The following PDE11A variants were observed in gnomAD, a reference collection of about 807,000 sequenced individuals.
PDE11A encodes dual 3',5'-cyclic-AMP and -GMP phosphodiesterase 11A.
In PDE11A, 100 loss-of-function variants were observed where a neutral mutation model predicts 100.5. That is an observed-to-expected ratio of 1.00 (90% CI 0.85 to 1.18). PDE11A has a LOEUF of 1.18. Ranked by LOEUF, PDE11A falls within the 50% of genes most tolerant of loss-of-function variation. The pLI, the probability that PDE11A is intolerant of heterozygous loss-of-function variation, is 0.00. For synonymous variants in PDE11A, 381 were observed against 420.8 expected, an observed-to-expected ratio of 0.91 and a Z score of 1.16; for missense variants, 1,141 against 1,152.6, an observed-to-expected ratio of 0.99 and a Z score of 0.15.
chr2:177,945,712 C>T (rs1333859602), intron 2 of PDE11A, among the ~76,000 whole-genome samples: 26 of 149,978 alleles, frequency 1.7e-4, no homozygotes, highest in African/African-American at 5.6e-4. Context: ...GCAGCCACCC[C>T]GTCCGGGAGG....
intron 2 of PDE11A, among the ~76,000 whole-genome samples, chr2:177,995,641 A>ACAC (rs2086061990): frequency 2.2e-5 from 2 of 93,004 alleles, no homozygotes; most frequent in African/African-American, 6.0e-5. Flanking sequence ...TACTCCACAA[A>ACAC]CACCACCCAC....
chr2:177,673,245 A>C (rs2080712842), intron 17 of PDE11A, among the ~76,000 whole-genome samples: 1 of 152,250 alleles, frequency 6.6e-6, no homozygotes, highest in African/African-American at 2.4e-5. Context: ...ATTACACAAA[A>C]CAAGTGTTGG....
chr2:177,842,910 A>C (rs1056917531), intron 5 of PDE11A, among the ~76,000 whole-genome samples: 1 of 152,208 alleles, frequency 6.6e-6, no homozygotes, highest in Admixed American at 6.5e-5. Context: ...ATCAGTCCTC[A>C]GGACTGAAAA....
At chr2:177,632,460 A>G (rs1300897468) in intron 19 of PDE11A, among the ~76,000 whole-genome samples, 1 of 152,132 alleles carries the variant, frequency 6.6e-6, no homozygotes, top group Non-Finnish European at 1.5e-5. Flanking sequence ...ATCACCCATC[A>G]TCTTGCATAT....
intron 5 of PDE11A, among the ~76,000 whole-genome samples, chr2:177,865,480 C>T (rs915700462): frequency 1.3e-5 from 2 of 152,150 alleles, no homozygotes; most frequent in Non-Finnish European, 2.9e-5. Flanking sequence ...CACAGAGTTA[C>T]CACATGACCT....
At chr2:177,716,664 A>G (rs1223407576) in intron 12 of PDE11A, among the ~76,000 whole-genome samples, 1 of 152,184 alleles carries the variant, frequency 6.6e-6, no homozygotes, top group Non-Finnish European at 1.5e-5. Flanking sequence ...GTATGAAATA[A>G]TTACCTATGA....
intron 9 of PDE11A, among the ~76,000 whole-genome samples, chr2:177,812,177 A>T (rs934801): frequency 0.41 from 61,708 of 151,872 alleles, 14,367 homozygotes; most frequent in African/African-American, 0.64. Context: ...TTTTTAACTT[A>T]TAATTTTTGT....
At chr2:177,832,718 T>C (rs1019628657) in intron 6 of PDE11A, among the ~76,000 whole-genome samples, 1 of 152,088 alleles carries the variant, frequency 6.6e-6, no homozygotes, top group African/African-American at 2.4e-5. Context: ...AGAGTTTAAC[T>C]GGTATATGAC....
At position 178,049,677 on chromosome 2, in the gene PDE11A, T is replaced by A. The variant is rs150756708; in HGVS notation, c.912+21849A>T. On this transcript the variant is annotated intron_variant, in intron 1 of 19. Coordinates refer to ENST00000286063, the MANE Select transcript of PDE11A (RefSeq NM_016953.4). ...TAATACTGTGCTTTTCCAACAGTCT[T>A]AGCAAACGGCACACCAGGAGATTAC... is the stretch of plus-strand genomic sequence containing the variant. Among the ~76,000 whole-genome samples the A allele has an allele frequency of 2.9e-3, 446 of 152,234 alleles. 2 individuals are homozygous for A. The highest frequency in any genetic ancestry group is 0.014 in the South Asian group (68 of 4,820).
At chr2:178,025,195 G>A (rs1400084091) in intron 1 of PDE11A, among the ~76,000 whole-genome samples, 2 of 152,162 alleles carry the variant, frequency 1.3e-5, no homozygotes, top group African/African-American at 4.8e-5. Context: ...ACCAAAAATT[G>A]TTTCTGAAGC....
intron 1 of PDE11A, among the ~76,000 whole-genome samples, chr2:178,041,462 T>C (rs1238278332): frequency 6.6e-6 from 1 of 151,714 alleles, no homozygotes; most frequent in Non-Finnish European, 1.5e-5. Context: ...CAGGCTGGTC[T>C]CGAACTCCTG....
chr2:178,106,824 G>A (rs1016102894), intron 1 of PDE11A, among the ~76,000 whole-genome samples: 5 of 151,842 alleles, frequency 3.3e-5, no homozygotes, highest in African/African-American at 7.3e-5. Flanking sequence ...GCCGGGTGTG[G>A]TGGTGCATGC....
At chr2:178,054,780 A>T (rs1384229034) in intron 1 of PDE11A, among the ~76,000 whole-genome samples, 1 of 152,242 alleles carries the variant, frequency 6.6e-6, no homozygotes, top group Non-Finnish European at 1.5e-5. Flanking sequence ...GAGAAATGCA[A>T]ATCAAAACCA....
At chr2:178,093,968 AC>A (rs11322313) in intron 2 of PDE11A, among the ~76,000 whole-genome samples, 28,468 of 152,036 alleles carry the variant, frequency 0.19, 2,673 homozygotes, top group South Asian at 0.22. Context: ...CAAAACATAA[AC>A]CCATAAACGC....
intron 2 of PDE11A, among the ~76,000 whole-genome samples, chr2:177,968,702 T>G (rs1216712673): frequency 4.6e-5 from 7 of 152,064 alleles, no homozygotes; most frequent in African/African-American, 1.7e-4. Context: ...GAAATGCAAA[T>G]CAAAACCACA....
At chr2:177,954,134 C>T (rs1313465441) in intron 2 of PDE11A, among the ~76,000 whole-genome samples, 3 of 151,664 alleles carry the variant, frequency 2.0e-5, no homozygotes, top group African/African-American at 7.3e-5. Flanking sequence ...CTTATGTGTT[C>T]TGGTCTATAA....
At chr2:177,964,472 G>T (rs974454117) in intron 2 of PDE11A, among the ~76,000 whole-genome samples, 2 of 151,978 alleles carry the variant, frequency 1.3e-5, no homozygotes, top group African/African-American at 4.8e-5. Flanking sequence ...TGTTGTACCG[G>T]TTATTTAATC....
intron 10 of PDE11A, among the ~76,000 whole-genome samples, chr2:177,763,115 CAGTGCAAGCCGCCCG>C (rs2082192479): frequency 6.6e-6 from 1 of 152,176 alleles, no homozygotes; most frequent in African/African-American, 2.4e-5. Context: ...GCGTCCTGAG[CAGTGCAAGCCGCCCG>C]GCTCGGCTGC....
intron 13 of PDE11A, among the ~76,000 whole-genome samples, chr2:177,703,442 T>G (rs1433849763): frequency 6.6e-6 from 1 of 152,220 alleles, no homozygotes; most frequent in Non-Finnish European, 1.5e-5. Context: ...ATGAAAATGA[T>G]AATTATAACA....
Sources: allele counts gnomAD v4.1 joint callset (sites outside exome capture counted in the v4.1 genomes callset), GRCh38; gene constraint gnomAD v4.1.1; transcripts MANE v1.5; gene names NCBI Gene and HGNC (gene_info 2026-07-23, HGNC 2026-07-21).